PGM5: variants seen among roughly 807,000 people sequenced by gnomAD.
The protein encoded by PGM5 is phosphoglucomutase-like protein 5.
A neutral mutation model predicts 59.2 loss-of-function variants in PGM5; 23 were observed. That is an observed-to-expected ratio of 0.39 (90% CI 0.28 to 0.55). The LOEUF (loss-of-function observed/expected upper bound fraction) is 0.55. PGM5 is among the 20% of genes least tolerant of loss of function. The pLI is 0.66. For missense variants in PGM5, 574 were observed against 748.3 expected, an observed-to-expected ratio of 0.77 and a Z score of 2.72; for synonymous variants, 214 against 286.0, an observed-to-expected ratio of 0.75 and a Z score of 2.54.
chr9:68,391,327 G>C (rs1307779007), intron 4 of PGM5, among the ~76,000 whole-genome samples: 1 of 152,062 alleles, frequency 6.6e-6, no homozygotes, highest in Non-Finnish European at 1.5e-5. Context: ...TACATCTTCT[G>C]TATTCCTACC....
intron 6 of PGM5, among the ~76,000 whole-genome samples, chr9:68,433,721 G>A (rs1823394256): frequency 6.6e-6 from 1 of 152,212 alleles, no homozygotes; most frequent in African/African-American, 2.4e-5. Flanking sequence ...TTCCAAGTCA[G>A]ATAACAGCAC....
intron 6 of PGM5, chr9:68,393,983 T>A (rs2933530): frequency 6.6e-6 from 1 of 152,076 alleles, no homozygotes; most frequent in Non-Finnish European, 1.5e-5. Context: ...AATAAAAAAA[T>A]ATTAAATGAT....
chr9:68,513,470 A>G (rs1316581145), intron 10 of PGM5, among the ~76,000 whole-genome samples: 1 of 152,236 alleles, frequency 6.6e-6, no homozygotes, highest in Non-Finnish European at 1.5e-5. Flanking sequence ...AATGGGATGA[A>G]AAAAGAAAAG....
At chr9:68,446,966 G>A (rs773773985) in intron 6 of PGM5, among the ~76,000 whole-genome samples, 8 of 152,160 alleles carry the variant, frequency 5.3e-5, no homozygotes, top group Non-Finnish European at 7.4e-5. Flanking sequence ...GGGGAAGAGT[G>A]GCCCAGCCGT....
chr9:68,422,157 A>G (rs1468397514), intron 6 of PGM5, among the ~76,000 whole-genome samples: 1 of 152,108 alleles, frequency 6.6e-6, no homozygotes, highest in African/African-American at 2.4e-5. Flanking sequence ...CTAACTTTTG[A>G]TAGACCAAGT....
intron 6 of PGM5, chr9:68,396,107 TA>T (rs1419144989): frequency 1.3e-5 from 2 of 152,156 alleles, no homozygotes; most frequent in African/African-American, 4.8e-5. Context: ...CTTCCACTTA[TA>T]CAGAATCTTA....
At chr9:68,377,384 A>C (rs1821948054) in intron 1 of PGM5, among the ~76,000 whole-genome samples, 2 of 152,198 alleles carry the variant, frequency 1.3e-5, no homozygotes, top group Non-Finnish European at 2.9e-5. Context: ...ATTGCAATAT[A>C]ATCAGTCTAG....
chr9:68,482,680 G>A (rs1824217133), intron 8 of PGM5, among the ~76,000 whole-genome samples: 1 of 152,220 alleles, frequency 6.6e-6, no homozygotes, highest in Non-Finnish European at 1.5e-5. Flanking sequence ...GGGTGCAGCT[G>A]CCCCTCCTAT....
chr9:68,493,200 T>G (rs1472073135), intron 9 of PGM5, among the ~76,000 whole-genome samples: 1 of 152,206 alleles, frequency 6.6e-6, no homozygotes, highest in South Asian at 2.1e-4. Context: ...GTCTCCAAAC[T>G]AATATCTGGC....
chr9:68,455,247 A>C (rs1159291080), intron 6 of PGM5, among the ~76,000 whole-genome samples: 1 of 152,184 alleles, frequency 6.6e-6, no homozygotes, highest in Non-Finnish European at 1.5e-5. Flanking sequence ...TGGACAGCTG[A>C]CACTCACATT....
At chr9:68,375,420 A>G (rs1554677517) in intron 1 of PGM5, among the ~76,000 whole-genome samples, 1 of 152,138 alleles carries the variant, frequency 6.6e-6, no homozygotes, top group Non-Finnish European at 1.5e-5. Context: ...CTCAAACCAA[A>G]TGACTAATTT....
chr9:68,396,602 T>C (rs1554680006), intron 6 of PGM5: 3 of 152,602 alleles, frequency 2.0e-5, no homozygotes, highest in Non-Finnish European at 4.4e-5. Context: ...TAAGTGACCA[T>C]TTAAAAGGAT....
chr9:68,411,607 C>T (rs1822935172), intron 6 of PGM5, among the ~76,000 whole-genome samples: 1 of 151,884 alleles, frequency 6.6e-6, no homozygotes, highest in African/African-American at 2.4e-5. Context: ...AACTTACTCA[C>T]TTGCTTATCA....
At chr9:68,373,548 C>T (rs1290380803) in intron 1 of PGM5, among the ~76,000 whole-genome samples, 2 of 152,130 alleles carry the variant, frequency 1.3e-5, no homozygotes, top group African/African-American at 4.8e-5. Flanking sequence ...TTTATTTCTG[C>T]ATTTTTCTAA....
At chr9:68,423,976 T>G (rs968509901) in intron 6 of PGM5, among the ~76,000 whole-genome samples, 1 of 152,210 alleles carries the variant, frequency 6.6e-6, no homozygotes, top group African/African-American at 2.4e-5. Flanking sequence ...CCCAATTCAC[T>G]ACTGCTGTAT....
intron 10 of PGM5, among the ~76,000 whole-genome samples, chr9:68,528,031 C>T (rs1370246176): frequency 6.6e-6 from 1 of 152,068 alleles, no homozygotes; most frequent in Non-Finnish European, 1.5e-5. Context: ...TCCTTGTGTT[C>T]CTGTTGTGTG....
At chr9:68,479,598 C>T (rs782585519) in intron 8 of PGM5, 45 bp downstream of exon 8, 1 of 1,586,320 alleles carries the variant, frequency 6.3e-7, no homozygotes, top group Non-Finnish European at 8.6e-7. Flanking sequence ...TGAAGAACTA[C>T]TCCTAGAACA....
At chr9:68,407,919 C>T (rs2987714) in intron 6 of PGM5, among the ~76,000 whole-genome samples, 2 of 152,164 alleles carry the variant, frequency 1.3e-5, no homozygotes, top group South Asian at 2.1e-4. Context: ...TAATATAACA[C>T]CGGCTACTTT....
chr9:68,511,930 A>G (rs1348485543), intron 10 of PGM5, among the ~76,000 whole-genome samples: 2 of 152,202 alleles, frequency 1.3e-5, no homozygotes, highest in Non-Finnish European at 2.9e-5. Context: ...GACAGCTTCT[A>G]AAAACCTAGG....
Sources: allele counts gnomAD v4.1 joint callset (sites outside exome capture counted in the v4.1 genomes callset), GRCh38; gene constraint gnomAD v4.1.1; transcripts MANE v1.5; gene names NCBI Gene and HGNC (gene_info 2026-07-23, HGNC 2026-07-21).